Variants in TIAM1 observed in about 807,000 individuals in gnomAD.
TIAM1 encodes the protein rho guanine nucleotide exchange factor TIAM1.
TIAM1 carries 65 observed loss-of-function variants against 163.5 expected under a neutral mutation model. That is an observed-to-expected ratio of 0.40 (90% CI 0.33 to 0.49). The LOEUF is 0.49. Among genes scored for constraint, TIAM1 ranks in the 20% least tolerant of loss-of-function variants. TIAM1 has a pLI of 0.77. For missense variants in TIAM1, 1,789 were observed against 2,044.7 expected (o/e 0.87, Z 2.41); for synonymous variants, 833 against 810.1 (o/e 1.03, Z -0.48).
chr21:31,551,867 A>G (rs1208038605), intron 1 of TIAM1, among the ~76,000 whole-genome samples: 1 of 152,182 alleles, frequency 6.6e-6, no homozygotes, highest in East Asian at 1.9e-4. Flanking sequence ...CTATTTAGAG[A>G]TATAAAGATA....
At chr21:31,195,383 AT>A in intron 12 of TIAM1, 78 bp from the exon 13 acceptor site, 1 of 1,029,950 alleles carries the variant, frequency 9.7e-7, no homozygotes, top group Non-Finnish European at 1.4e-6. Flanking sequence ...TCATAAATCT[AT>A]TTTTTCACAA....
chr21:31,512,617 C>CTTTTT (rs35338359), intron 1 of TIAM1, among the ~76,000 whole-genome samples: 41 of 121,726 alleles, frequency 3.4e-4, no homozygotes, highest in Non-Finnish European at 4.4e-4. Flanking sequence ...TTTTTCTTTT[C>CTTTTT]TTTTTTTTTT....
At chr21:31,444,449 G>T (rs1014173540) in intron 2 of TIAM1, among the ~76,000 whole-genome samples, 4 of 151,232 alleles carry the variant, frequency 2.6e-5, no homozygotes, top group African/African-American at 9.7e-5. Context: ...TAAGCATAAG[G>T]GGTTGGATCT....
chr21:31,347,835 C>T (rs950349809), upstream of TIAM1, among the ~76,000 whole-genome samples: 10 of 147,478 alleles, frequency 6.8e-5, no homozygotes, highest in South Asian at 2.1e-4. Context: ...TTCAGAGAAA[C>T]TGCAAACCCT....
chr21:31,501,910 T>C (rs1369587204), intron 1 of TIAM1, among the ~76,000 whole-genome samples: 1 of 152,024 alleles, frequency 6.6e-6, no homozygotes, highest in African/African-American at 2.4e-5. Context: ...CCTTGTAAAG[T>C]GGTTTTTACC....
At chr21:31,430,393 A>G (rs200348979) in intron 2 of TIAM1, among the ~76,000 whole-genome samples, 1 of 151,814 alleles carries the variant, frequency 6.6e-6, no homozygotes, top group Non-Finnish European at 1.5e-5. Flanking sequence ...ACCCCAGTGC[A>G]GCACCCATGG....
At position 31,453,034 on chromosome 21, in the gene TIAM1, G is replaced by C. The variant is rs539819656; in HGVS notation, c.-369+10949C>G. The stretch of plus-strand genomic sequence containing the variant: ...GGAGATACACTGGATCTTCTCATTG[G>C]AGATCTTCTGGATCCAATGTATCTG... On this transcript the variant is annotated intron_variant, in intron 2 of 28. Transcript: ENST00000286827. The C allele has an allele frequency of 2.0e-5, 9 of 454,280 alleles. No homozygotes were observed. In the East Asian group the frequency reaches 4.5e-4, roughly 23 times the overall value. 28.1% of individuals were successfully genotyped at this position (454,280 alleles called of 1,614,324 possible).
At chr21:31,337,518 G>GTTTTATTATTATTA (rs139117633) in intron 2 of TIAM1, among the ~76,000 whole-genome samples, 15 of 147,272 alleles carry the variant, frequency 1.0e-4, no homozygotes, top group African/African-American at 3.5e-4. Flanking sequence ...TATTATTGTT[G>GTTTTATTATTATTA]TTATTATTAT....
At chr21:31,508,164 C>T (rs993421701) in intron 1 of TIAM1, among the ~76,000 whole-genome samples, 8 of 152,046 alleles carry the variant, frequency 5.3e-5, no homozygotes, top group African/African-American at 1.7e-4. Flanking sequence ...TCAGAGTGAA[C>T]GTGGCCCTGC....
chr21:31,480,743 A>G (rs771624178), intron 1 of TIAM1, among the ~76,000 whole-genome samples: 5 of 152,136 alleles, frequency 3.3e-5, no homozygotes, highest in Admixed American at 6.5e-5. Flanking sequence ...TCATTCATTC[A>G]TTCGTTTGTT....
chr21:31,486,199 T>C (rs1422223320), intron 1 of TIAM1, among the ~76,000 whole-genome samples: 1 of 152,076 alleles, frequency 6.6e-6, no homozygotes, highest in African/African-American at 2.4e-5. Context: ...TTAGGAGGAA[T>C]GGGAGTCCCA....
Position 31,141,503 on chromosome 21 carries a change from G to C in TIAM1, c.3477C>G (p.Ala1159=). 4.3e-6 allele frequency: 7 copies of C among 1,613,710 alleles called. No individual in the cohort carries two copies. The South Asian group carries it at 6.6e-5, about 15-fold the overall frequency. Reference sequence around the variant, plus strand: ...ATGCCTTGAAAGCCGTGTCTGTCTTGGCTGGCAGGGTTTAAACACAGGTCA... The same window carrying C: ...ATGCCTTGAAAGCCGTGTCTGTCTTCGCTGGCAGGGTTTAAACACAGGTCA... ...HTKVPKVLVK[A]KTDTAFKAFL... Residue 1159 remains alanine (A), a splice_region_variant and synonymous_variant, in exon 21 of 28, where the codon GCC becomes GCG. Transcript: ENST00000541036. This position sits in a 1 kb window ranked among gnomAD's most constrained non-coding sequence, Gnocchi z 4.7.
chr21:31,397,301 A>G (rs1271320432), intron 2 of TIAM1, among the ~76,000 whole-genome samples: 2 of 152,190 alleles, frequency 1.3e-5, no homozygotes, highest in African/African-American at 4.8e-5. Flanking sequence ...TGAGGCAGAG[A>G]AGTTGTTCAA....
chr21:31,310,479 G>A (rs1005101756), intron 2 of TIAM1, among the ~76,000 whole-genome samples: 1 of 152,194 alleles, frequency 6.6e-6, no homozygotes. Flanking sequence ...CACCCTGGGT[G>A]AAAAATGGCC....
chr21:31,556,958 G>A (rs1376474090), intron 1 of TIAM1, among the ~76,000 whole-genome samples: 1 of 152,166 alleles, frequency 6.6e-6, no homozygotes, highest in Non-Finnish European at 1.5e-5. Context: ...ATCTCTCCTA[G>A]AAAGTGTTCC....
intron 1 of TIAM1, among the ~76,000 whole-genome samples, chr21:31,543,842 G>C (rs1033511128): frequency 6.6e-6 from 1 of 152,174 alleles, no homozygotes; most frequent in African/African-American, 2.4e-5. Flanking sequence ...TGGCGTATCA[G>C]AGCTAAGCTT....
Position 31,498,577 on chromosome 21 carries a change from T to C in TIAM1, c.-421-34542A>G, listed in dbSNP as rs192086795. 4.6e-3 allele frequency among the ~76,000 whole-genome samples: 695 copies of C among 152,314 alleles called. 6 individuals are homozygous for C. The highest frequency in any genetic ancestry group is 0.015 in the African/African-American group (643 of 41,572). ...GTGCATGTTTGTACCACATGAACTG[T>C]AGCCTGAAATGTGATTGATATTTGT... On this transcript the variant is annotated intron_variant, in intron 1 of 28. Coordinates refer to the TIAM1 transcript ENST00000286827.
chr21:31,372,883 C>T (rs1002942288), intron 2 of TIAM1, among the ~76,000 whole-genome samples: 6 of 151,882 alleles, frequency 4.0e-5, no homozygotes, highest in Non-Finnish European at 8.8e-5. Context: ...TGAAGAAACC[C>T]CATCTCTACT....
intron 15 of TIAM1, among the ~76,000 whole-genome samples, chr21:31,167,886 C>T (rs565505557): frequency 6.6e-6 from 1 of 152,232 alleles, no homozygotes; most frequent in East Asian, 1.9e-4. Context: ...GGGCTTGGGT[C>T]AGTACAACTT....
Sources: allele counts gnomAD v4.1 joint callset (sites outside exome capture counted in the v4.1 genomes callset), GRCh38; gene constraint gnomAD v4.1.1; non-coding constraint Gnocchi (gnomAD v3.1); transcripts MANE v1.5; gene names NCBI Gene and HGNC (gene_info 2026-07-23, HGNC 2026-07-21).